ADCY8: variants seen among roughly 807,000 people sequenced by gnomAD.
The protein encoded by ADCY8 is adenylate cyclase 8.
A neutral mutation model predicts 119.7 loss-of-function variants in ADCY8; 51 were observed. The observed-to-expected ratio is 0.43, with a 90% CI of 0.34 to 0.54. The LOEUF (loss-of-function observed/expected upper bound fraction) is 0.54. Ranked by LOEUF, ADCY8 falls within the 20% of genes least tolerant of loss-of-function variation. The pLI is 0.03. For synonymous variants in ADCY8, 665 were observed against 651.0 expected (o/e 1.02, Z -0.33); for missense variants, 1,383 against 1,598.8 (o/e 0.87, Z 2.30).
intron 13 of ADCY8, among the ~76,000 whole-genome samples, chr8:130,817,957 TAAG>T: frequency 6.6e-6 from 1 of 152,234 alleles, no homozygotes; most frequent in Non-Finnish European, 1.5e-5. Context: ...CACAAAAAGA[TAAG>T]GAGACATTAT....
intron 6 of ADCY8, among the ~76,000 whole-genome samples, chr8:130,905,929 T>G (rs1201233570): frequency 6.6e-6 from 1 of 152,202 alleles, no homozygotes; most frequent in South Asian, 2.1e-4. Flanking sequence ...TGCTACTCCC[T>G]CTCATCCTTC....
At chr8:130,891,309 G>A (rs1275757367) in intron 7 of ADCY8, among the ~76,000 whole-genome samples, 1 of 152,084 alleles carries the variant, frequency 6.6e-6, no homozygotes, top group East Asian at 1.9e-4. Context: ...CTAAGTAAGA[G>A]TACCTCAACA....
chr8:130,785,353 C>A, intron 16 of ADCY8, 30 bp downstream of exon 16: 4 of 1,505,584 alleles, frequency 2.7e-6, no homozygotes, highest in Non-Finnish European at 3.6e-6. Context: ...CCCCACCATG[C>A]ATTGTGGCTG....
intron 10 of ADCY8, among the ~76,000 whole-genome samples, chr8:130,848,995 G>A (rs746855007): frequency 1.4e-4 from 22 of 152,184 alleles, no homozygotes; most frequent in Non-Finnish European, 2.2e-4. Flanking sequence ...TCCATTAAAT[G>A]GGGACAATAA....
At chr8:130,923,166 A>G (rs1820365386) in intron 5 of ADCY8, among the ~76,000 whole-genome samples, 1 of 152,162 alleles carries the variant, frequency 6.6e-6, no homozygotes, top group Non-Finnish European at 1.5e-5. Context: ...TTTGGAACAG[A>G]GTGAGACAAG....
intron 11 of ADCY8, among the ~76,000 whole-genome samples, chr8:130,837,647 T>C (rs1333473422): frequency 6.6e-6 from 1 of 152,198 alleles, no homozygotes; most frequent in Non-Finnish European, 1.5e-5. Context: ...GCCTATTCCT[T>C]CCCTTAGAGA....
At chr8:130,953,974 G>A (rs1218017798) in intron 2 of ADCY8, among the ~76,000 whole-genome samples, 1 of 152,162 alleles carries the variant, frequency 6.6e-6, no homozygotes, top group Non-Finnish European at 1.5e-5. Flanking sequence ...TTGTGGCCCT[G>A]CTCTCTCAAT....
chr8:130,797,379 G>A lies in ADCY8; in HGVS notation c.3060+3047C>T, dbSNP rs904304752. 4.6e-5 allele frequency among the ~76,000 whole-genome samples: 7 copies of A among 152,248 alleles called. No individual in the cohort carries two copies. In the Middle Eastern group the frequency reaches 0.01, roughly 222 times the overall value. ...AGTTTAAAATACAACAAAGCCTGAC[G>A]TCTTAACCTTTAGTCAGATATTTTT... On this transcript the variant is annotated intron_variant, in intron 15 of 17. Coordinates refer to ENST00000286355, the MANE Select transcript of ADCY8 (RefSeq NM_001115.3).
intron 1 of ADCY8, among the ~76,000 whole-genome samples, chr8:131,034,243 G>C (rs2130813667): frequency 6.6e-6 from 1 of 152,166 alleles, no homozygotes; most frequent in Admixed American, 6.5e-5. Flanking sequence ...AAGAACCTTA[G>C]ACTTAGACAA....
At chr8:130,821,840 G>A (rs962422103) in intron 12 of ADCY8, among the ~76,000 whole-genome samples, 8 of 152,224 alleles carry the variant, frequency 5.3e-5, no homozygotes, top group African/African-American at 1.4e-4. Context: ...GGATTGGACA[G>A]GGACTTAGAC....
chr8:130,917,175 A>G (rs1820154454), intron 5 of ADCY8, among the ~76,000 whole-genome samples: 1 of 152,122 alleles, frequency 6.6e-6, no homozygotes. Flanking sequence ...TAGGCCTTTT[A>G]CCTTAATAAC....
At chr8:130,928,700 C>T (rs1302313084) in intron 5 of ADCY8, among the ~76,000 whole-genome samples, 3 of 152,062 alleles carry the variant, frequency 2.0e-5, no homozygotes, top group Non-Finnish European at 2.9e-5. Context: ...TTTTCTTTAT[C>T]AGGAATAAAA....
chr8:131,013,750 G>A (rs1823383602), intron 1 of ADCY8, among the ~76,000 whole-genome samples: 1 of 152,180 alleles, frequency 6.6e-6, no homozygotes, highest in Non-Finnish European at 1.5e-5. Flanking sequence ...TAGTTACTGA[G>A]CGAAAAATAG....
intron 4 of ADCY8, among the ~76,000 whole-genome samples, chr8:130,939,959 C>T (rs77647107): frequency 6.6e-6 from 1 of 152,284 alleles, no homozygotes; most frequent in African/African-American, 2.4e-5. Context: ...ACAGTAACAA[C>T]CTGGGCTGGA....
chr8:130,833,467 C>G (rs2130250910), intron 12 of ADCY8, among the ~76,000 whole-genome samples: 1 of 152,222 alleles, frequency 6.6e-6, no homozygotes, highest in East Asian at 1.9e-4. Flanking sequence ...TGAAATTATT[C>G]TTCAGTGGAT....
In ADCY8 at chr8:130,967,258, G is replaced by A. The variant is rs533487727; in HGVS notation, c.1111-15260C>T. On this transcript the variant is annotated intron_variant, in intron 2 of 17. Transcript: ENST00000286355. ...TCACTTCAGACTGATTCAGCAAGGA[G>A]GGTGGAAGTCTGGATAACATTCATG... is the stretch of plus-strand genomic sequence containing the variant. Among the ~76,000 whole-genome samples the A allele has an allele frequency of 3.3e-5, 5 of 152,302 alleles. No individual in the cohort carries two copies. The South Asian group carries it at 1.0e-3, about 32-fold the overall frequency.
At position 130,851,976 on chromosome 8, in the gene ADCY8, G is replaced by A. The variant is rs531312485; in HGVS notation, c.2211-2173C>T. On this transcript the variant is annotated intron_variant, in intron 9 of 17. Coordinates refer to ENST00000286355, the MANE Select transcript of ADCY8 (RefSeq NM_001115.3). The stretch of plus-strand genomic sequence containing the variant: ...TGGTGATTGAGATCAAGGAATGGAA[G>A]CATTTGCCCAAGGATAGTGTGTACA... Among the ~76,000 whole-genome samples, 125 of 152,260 alleles carry A rather than the reference G, an allele frequency of 8.2e-4. 1 individual carries two copies. The highest frequency in any genetic ancestry group is 3.5e-3 in the Admixed American group (54 of 15,292).
chr8:130,786,103 T>C (rs1228238916), intron 15 of ADCY8, among the ~76,000 whole-genome samples: 1 of 152,216 alleles, frequency 6.6e-6, no homozygotes. Context: ...CACATACATA[T>C]TCTTATCTTC....
At chr8:131,009,450 ATGGTTTTATAAGCATC>A (rs1823231222) in intron 1 of ADCY8, among the ~76,000 whole-genome samples, 1 of 152,112 alleles carries the variant, frequency 6.6e-6, no homozygotes, top group African/African-American at 2.4e-5. Context: ...AGGACATCTG[ATGGTTTTATAAGCATC>A]TGGCATTTCC....
Sources: gnomAD v4.1 joint callset for allele counts (sites outside exome capture counted in the v4.1 genomes callset) on GRCh38, gnomAD v4.1.1 for gene constraint, MANE v1.5 for transcripts, NCBI Gene and HGNC (gene_info 2026-07-23, HGNC 2026-07-21) for gene names.